Variants in TRAT1 observed in about 807,000 individuals in gnomAD.
The protein encoded by TRAT1 is T-cell receptor-associated transmembrane adapter 1.
A neutral mutation model predicts 20.0 loss-of-function variants in TRAT1; 20 were observed. The ratio of observed to expected loss-of-function variants is 1.00; its 90% CI spans 0.70 to 1.45. The LOEUF (loss-of-function observed/expected upper bound fraction) is 1.45, where lower values mean the gene tolerates loss of function less well. Among genes scored for constraint, TRAT1 ranks in the 40% most tolerant of loss-of-function variants. TRAT1 has a pLI of 0.00. For missense variants in TRAT1, 237 were observed against 224.1 expected, an observed-to-expected ratio of 1.06 and a Z score of -0.37; for synonymous variants, 77 against 74.2, an observed-to-expected ratio of 1.04 and a Z score of -0.20.
intron 2 of TRAT1, among the ~76,000 whole-genome samples, chr3:108,835,335 A>G (rs1184148632): frequency 6.6e-6 from 1 of 152,262 alleles, no homozygotes; most frequent in Non-Finnish European, 1.5e-5. Context: ...ACAGTCTTGC[A>G]CATTTCATTG....
rs562660448 is a variant in TRAT1 at position 108,850,441 on chromosome 3, A to G, written c.303+1187A>G. Among the ~76,000 whole-genome samples, 289 of 151,930 alleles carry G rather than the reference A, an allele frequency of 1.9e-3. 1 individual carries two copies. The highest frequency in any genetic ancestry group is 3.4e-3 in the Non-Finnish European group (230 of 67,992). ...TGCCTCAGCCTCCCAAGTAGCTGGG[A>G]TTACAGGTGCCTGCCACCATGCCCA... is the stretch of plus-strand genomic sequence containing the variant. On this transcript the variant is annotated intron_variant, in intron 5 of 5. Transcript: ENST00000295756.
chr3:108,822,865 G>A lies in TRAT1; in HGVS notation c.-63G>A. On this transcript the variant is annotated 5_prime_UTR_variant, in exon 1 of 6. Transcript: ENST00000295756. ...CATCACCTAGGAAAAAAGTTTGTAGGAGGATTTTTAATCCATATATTTGTC... is the reference window on the plus strand; with the variant it reads ...CATCACCTAGGAAAAAAGTTTGTAGAAGGATTTTTAATCCATATATTTGTC... 6.7e-7 allele frequency: 1 copy of A among 1,497,224 alleles called. No individual in the cohort carries two copies. Among genetic ancestry groups the A allele is most frequent in the Non-Finnish European group, 9.3e-7 (1 of 1,079,768 alleles). The allele number at this position is 1,497,224 out of a possible 1,614,324, so 92.7% of individuals were successfully genotyped here.
chr3:108,833,416 A>AAAAAC (rs1209972476), intron 2 of TRAT1, among the ~76,000 whole-genome samples: 6 of 152,114 alleles, frequency 3.9e-5, no homozygotes. Flanking sequence ...AGACTCTGTC[A>AAAAAC]AAAACAAAAC....
chr3:108,834,048 T>C (rs550543610), intron 2 of TRAT1, among the ~76,000 whole-genome samples: 29 of 152,178 alleles, frequency 1.9e-4, no homozygotes, highest in Non-Finnish European at 3.8e-4. Flanking sequence ...CCTATGCCCC[T>C]CTAAGTCCTC....
chr3:108,853,847 G>A lies in TRAT1; in HGVS notation c.531G>A (p.Leu177=). Residue 177 remains leucine, a synonymous_variant, in exon 6 of 6, where the codon TTG becomes TTA. Coordinates refer to ENST00000295756, the MANE Select transcript of TRAT1 (RefSeq NM_016388.4). ...ATGATCCCATCAGACTGTTTGGATT[G>A]ATCCGTGCTAAGAGAGAACCTATAA... ...IHDDPIRLFG[L]IRAKREPIN The A allele has an allele frequency of 6.2e-7, 1 of 1,614,064 alleles. No homozygotes were observed. Among genetic ancestry groups the A allele is most frequent in the Non-Finnish European group, 8.5e-7 (1 of 1,179,946 alleles).
intron 3 of TRAT1, among the ~76,000 whole-genome samples, chr3:108,840,418 G>T (rs76039757): frequency 0.031 from 4,741 of 151,960 alleles, 270 homozygotes; most frequent in African/African-American, 0.11. Context: ...AAAGTCTTGT[G>T]ATTTGACTAT....
rs567522133 is a variant in TRAT1 at position 108,853,678 on chromosome 3, G to A, written c.362G>A (p.Arg121His). The A allele has an allele frequency of 5.8e-5, 93 of 1,614,092 alleles. No homozygotes were observed. Among genetic ancestry groups the A allele is most frequent in the South Asian group, 5.7e-4 (52 of 91,090 alleles). Residue 121 changes from arginine (R) to histidine (H), a missense_variant, in exon 6 of 6, where the codon CGT becomes CAT. Arg to His is a conservative substitution (Grantham distance 29). Coordinates refer to ENST00000295756, the MANE Select transcript of TRAT1 (RefSeq NM_016388.4). Reference sequence around the variant, plus strand: ...CTTGATCACAGCGTTAAGGGGAAGCGTAGAAAGCCCAGGAAACAGAATACT... The same window carrying A: ...CTTGATCACAGCGTTAAGGGGAAGCATAGAAAGCCCAGGAAACAGAATACT... Reference protein sequence around the residue: ...ASLDHSVKGKRRKPRKQNTHF... With the variant: ...ASLDHSVKGKHRKPRKQNTHF...
At chr3:108,844,254 A>G (rs1295806625) in intron 3 of TRAT1, among the ~76,000 whole-genome samples, 1 of 152,002 alleles carries the variant, frequency 6.6e-6, no homozygotes, top group African/African-American at 2.4e-5. Flanking sequence ...GTTTAATCTC[A>G]TTTTTTAAGT....
intron 1 of TRAT1, 72 bp from the exon 2 acceptor site, chr3:108,830,598 G>A: frequency 1.1e-6 from 1 of 940,372 alleles, no homozygotes; most frequent in Admixed American, 1.7e-5. Flanking sequence ...AGCTTTAACT[G>A]TGGCAATAGC....
intron 2 of TRAT1, 121 bp downstream of exon 2, chr3:108,830,901 A>G: frequency 1.5e-6 from 1 of 666,904 alleles, no homozygotes; most frequent in Non-Finnish European, 2.6e-6. Context: ...TTTTATCTAT[A>G]GAAAATCTAT....
intron 2 of TRAT1, among the ~76,000 whole-genome samples, chr3:108,836,768 G>A (rs764090952): frequency 3.9e-5 from 6 of 152,140 alleles, no homozygotes; most frequent in Non-Finnish European, 7.4e-5. Flanking sequence ...TGGATAAATT[G>A]AGCACCAGAG....
rs1945953500 is a variant in TRAT1 at position 108,847,059 on chromosome 3, T to C, written c.153-9T>C. 1 of 1,462,034 alleles carries C rather than the reference T, an allele frequency of 6.8e-7. No homozygotes were observed. Among genetic ancestry groups the C allele is most frequent in the Non-Finnish European group, 9.5e-7 (1 of 1,054,208 alleles). 90.6% of individuals were successfully genotyped at this position (1,462,034 alleles called of 1,614,324 possible). ...ATCTAATAAGGTAAATTATTTTTCC[T>C]TGTTATAGGGTTGATGAGTATTATA... On this transcript the variant is annotated splice_polypyrimidine_tract_variant and intron_variant, in intron 3 of 5. Transcript: ENST00000295756.
chr3:108,844,969 T>C lies in TRAT1; in HGVS notation c.153-2099T>C, dbSNP rs577503311. Among the ~76,000 whole-genome samples, 210 of 152,200 alleles carry C rather than the reference T, an allele frequency of 1.4e-3. 2 individuals are homozygous for C. Among genetic ancestry groups the C allele is most frequent in the South Asian group, 9.1e-3 (44 of 4,820 alleles). On this transcript the variant is annotated intron_variant, in intron 3 of 5. Transcript: ENST00000295756. ...ATTTTGGAGTGTCAGTAAATGTACT[T>C]ACTGGTTAGAGAATTATTTCAGGCA...
chr3:108,839,719 G>A (rs1214831564), intron 3 of TRAT1, among the ~76,000 whole-genome samples: 1 of 151,948 alleles, frequency 6.6e-6, no homozygotes, highest in African/African-American at 2.4e-5. Context: ...TGTTTGTAGA[G>A]TTAATGTCAA....
chr3:108,850,971 TTGTA>T (rs1945993174), intron 5 of TRAT1, among the ~76,000 whole-genome samples: 3 of 152,250 alleles, frequency 2.0e-5, no homozygotes, highest in Non-Finnish European at 4.4e-5. Flanking sequence ...GCCTGCTCTT[TTGTA>T]AATTGTGTAT....
At chr3:108,842,390 A>G (rs752527754) in intron 3 of TRAT1, among the ~76,000 whole-genome samples, 41 of 152,272 alleles carry the variant, frequency 2.7e-4, no homozygotes, top group South Asian at 1.9e-3. Context: ...CTCTTCACCC[A>G]TTCTCAAGGT....
Position 108,830,871 on chromosome 3 carries a change from A to T in TRAT1, c.118+91A>T, listed in dbSNP as rs1433723712. On this transcript the variant is annotated intron_variant, in intron 2 of 5. Transcript: ENST00000295756. ...CCTATGGAAGCAGACAATTTTATGA[A>T]ATGTCATTCAACAGGATATTTTTAT... 3.8e-6 allele frequency: 3 copies of T among 799,034 alleles called. No homozygotes were observed. In the East Asian group the frequency reaches 7.3e-5, roughly 20 times the overall value. The allele number at this position is 799,034 out of a possible 1,614,324, so 49.5% of individuals were successfully genotyped here. A position where few individuals can be genotyped will look rare whatever the true frequency, so the allele number is the denominator to read the frequency against.
At chr3:108,829,538 C>A (rs949310774) in intron 1 of TRAT1, among the ~76,000 whole-genome samples, 10 of 150,584 alleles carry the variant, frequency 6.6e-5, no homozygotes, top group Admixed American at 6.0e-4. Flanking sequence ...GAGCCGAGAT[C>A]GTGCCACTGC....
intron 3 of TRAT1, 24 bp from the exon 4 acceptor site, chr3:108,847,044 G>A (rs747726734): frequency 7.4e-7 from 1 of 1,348,856 alleles, no homozygotes; most frequent in Middle Eastern, 1.8e-4. Context: ...ATCTAATAAG[G>A]TAAATTATTT....
Sources: gnomAD v4.1 joint callset for allele counts (sites outside exome capture counted in the v4.1 genomes callset) on GRCh38, gnomAD v4.1.1 for gene constraint, MANE v1.5 for transcripts, NCBI Gene and HGNC (gene_info 2026-07-23, HGNC 2026-07-21) for gene names.